CADM2: variants seen among roughly 807,000 people sequenced by gnomAD.
CADM2 encodes cell adhesion molecule 2.
Under a neutral mutation model 49.8 loss-of-function variants are expected in CADM2, and 12 were observed. The observed-to-expected ratio is 0.24, with a 90% confidence interval of 0.15 to 0.39. The LOEUF (loss-of-function observed/expected upper bound fraction) is 0.39, where lower values mean the gene tolerates loss of function less well. CADM2 is among the 10% of genes least tolerant of loss of function. The probability of loss-of-function intolerance (pLI) is 1.00; values close to 1 mark genes in which losing one functional copy is unlikely to be tolerated. For missense variants in CADM2, 378 were observed against 492.3 expected, an observed-to-expected ratio of 0.77 and a Z score of 2.20; for synonymous variants, 214 against 175.4, an observed-to-expected ratio of 1.22 and a Z score of -1.74.
chr3:86,007,005 A>C (rs924963583), intron 8 of CADM2, among the ~76,000 whole-genome samples: 5 of 152,052 alleles, frequency 3.3e-5, no homozygotes, highest in African/African-American at 9.7e-5. Flanking sequence ...ACGCCATTGC[A>C]CTCCAGCCTG....
intron 1 of CADM2, among the ~76,000 whole-genome samples, chr3:85,517,089 T>G (rs1297556035): frequency 6.6e-6 from 1 of 151,918 alleles, no homozygotes; most frequent in Non-Finnish European, 1.5e-5. Flanking sequence ...CTTAAAAGAA[T>G]AATCTTATAA....
intron 2 of CADM2, among the ~76,000 whole-genome samples, chr3:85,760,482 G>C (rs1441527905): frequency 6.6e-6 from 1 of 152,038 alleles, no homozygotes; most frequent in Non-Finnish European, 1.5e-5. Flanking sequence ...CACTGCATCT[G>C]TATGAGTCAT....
At chr3:85,316,905 G>C (rs2044478837) in intron 1 of CADM2, among the ~76,000 whole-genome samples, 1 of 152,106 alleles carries the variant, frequency 6.6e-6, no homozygotes, top group African/African-American at 2.4e-5. Context: ...GTGGTTCCAG[G>C]GGTCTAGATG....
chr3:85,773,487 A>G (rs2070204737), intron 2 of CADM2, among the ~76,000 whole-genome samples: 1 of 152,096 alleles, frequency 6.6e-6, no homozygotes, highest in African/African-American at 2.4e-5. Context: ...TTTTCAGATG[A>G]CAGAAATGGC....
intron 8 of CADM2, among the ~76,000 whole-genome samples, chr3:86,051,686 A>G (rs1401796210): frequency 6.6e-6 from 1 of 152,118 alleles, no homozygotes; most frequent in Non-Finnish European, 1.5e-5. Flanking sequence ...GTAACTTACA[A>G]TTGTGGTGGA....
chr3:85,007,355 A>C lies in CADM2; in HGVS notation c.61+47687A>C, dbSNP rs1435887412. 2.0e-5 allele frequency among the ~76,000 whole-genome samples: 3 copies of C among 152,148 alleles called. No homozygotes were observed. In the East Asian group the frequency reaches 5.8e-4, roughly 29 times the overall value. ...TGTGAAACAAAGAGTCTCTGTGGCA[A>C]CTACTCATTGTTGCATAACAGACAA... On this transcript the variant is annotated intron_variant, in intron 1 of 9. Coordinates refer to ENST00000383699, the MANE Select transcript of CADM2 (RefSeq NM_001167675.2).
At chr3:85,618,878 T>G (rs1042439518) in intron 1 of CADM2, among the ~76,000 whole-genome samples, 1 of 152,028 alleles carries the variant, frequency 6.6e-6, no homozygotes, top group Non-Finnish European at 1.5e-5. Flanking sequence ...GGAATTTAAA[T>G]AATTATTTTT....
intron 1 of CADM2, among the ~76,000 whole-genome samples, chr3:85,575,589 T>C (rs1042545728): frequency 1.3e-5 from 2 of 152,016 alleles, no homozygotes; most frequent in Admixed American, 6.5e-5. Context: ...ATAAAATAAA[T>C]GATTGAAATA....
Position 85,118,153 on chromosome 3 carries a change from G to T in CADM2, c.61+158485G>T, listed in dbSNP as rs528062466. Among the ~76,000 whole-genome samples, 5 of 151,230 alleles carry T rather than the reference G, an allele frequency of 3.3e-5. No homozygotes were observed. In the South Asian group the frequency reaches 1.0e-3, roughly 32 times the overall value. ...CTCTATACATCATAAATTCTTCAAG[G>T]ATTGTGATATTAACTTATTCATCTG... On this transcript the variant is annotated intron_variant, in intron 1 of 9. Coordinates refer to ENST00000383699, the MANE Select transcript of CADM2 (RefSeq NM_001167675.2).
chr3:85,595,172 A>G (rs1276596842), intron 1 of CADM2, among the ~76,000 whole-genome samples: 2 of 151,988 alleles, frequency 1.3e-5, no homozygotes, highest in African/African-American at 4.8e-5. Flanking sequence ...TATTCAAATC[A>G]TTCTTAGGGC....
intron 1 of CADM2, among the ~76,000 whole-genome samples, chr3:85,106,306 T>C (rs1217094116): frequency 6.6e-6 from 1 of 152,100 alleles, no homozygotes; most frequent in Non-Finnish European, 1.5e-5. Context: ...GGAGATTTTT[T>C]CCCTTAGGAT....
At chr3:85,903,241 G>C (rs988617508) in intron 5 of CADM2, among the ~76,000 whole-genome samples, 5 of 151,304 alleles carry the variant, frequency 3.3e-5, no homozygotes, top group Non-Finnish European at 5.9e-5. Context: ...AATCACTTAA[G>C]AGAAGAAAAA....
intron 1 of CADM2, among the ~76,000 whole-genome samples, chr3:85,192,518 GGAGAA>G: frequency 6.6e-6 from 1 of 151,382 alleles, no homozygotes; most frequent in South Asian, 2.1e-4. Flanking sequence ...ACCAAGAAGT[GGAGAA>G]GTAGGAAGGA....
intron 1 of CADM2, among the ~76,000 whole-genome samples, chr3:85,396,535 C>T (rs2034800344): frequency 6.6e-6 from 1 of 151,846 alleles, no homozygotes; most frequent in Non-Finnish European, 1.5e-5. Context: ...TTGTGGTAAT[C>T]CAATACCTAC....
At chr3:84,998,552 T>A (rs73843254) in intron 1 of CADM2, among the ~76,000 whole-genome samples, 3,234 of 152,290 alleles carry the variant, frequency 0.021, 128 homozygotes, top group African/African-American at 0.073. Flanking sequence ...AATTTTATTT[T>A]TTTAATGTTG....
At chr3:85,027,504 A>G (rs1156513484) in intron 1 of CADM2, among the ~76,000 whole-genome samples, 9 of 152,088 alleles carry the variant, frequency 5.9e-5, no homozygotes, top group African/African-American at 2.2e-4. Flanking sequence ...ATATAAAATT[A>G]TCTTCTAATA....
intron 1 of CADM2, among the ~76,000 whole-genome samples, chr3:85,475,614 T>G (rs1341806179): frequency 6.6e-6 from 1 of 151,934 alleles, no homozygotes; most frequent in African/African-American, 2.4e-5. Context: ...ATCATTAATC[T>G]TATATAACAA....
chr3:85,691,207 T>C (rs1029711824), intron 1 of CADM2, among the ~76,000 whole-genome samples: 2 of 152,214 alleles, frequency 1.3e-5, no homozygotes, highest in Non-Finnish European at 2.9e-5. Context: ...CTTACTTCAC[T>C]GAACATGGTA....
intron 1 of CADM2, among the ~76,000 whole-genome samples, chr3:85,258,676 C>G (rs1211523579): frequency 6.6e-6 from 1 of 152,034 alleles, no homozygotes; most frequent in Non-Finnish European, 1.5e-5. Context: ...CTTTCTTTTT[C>G]TAACTAGTAA....
Sources: allele counts gnomAD v4.1 joint callset (sites outside exome capture counted in the v4.1 genomes callset), GRCh38; gene constraint gnomAD v4.1.1; transcripts MANE v1.5; gene names NCBI Gene and HGNC (gene_info 2026-07-23, HGNC 2026-07-21).